ANKRD26: variants seen among roughly 807,000 people sequenced by gnomAD.
ANKRD26 encodes the protein ankyrin repeat domain 26, also known as ankyrin repeat domain-containing protein 26.
In ANKRD26, 141 loss-of-function variants were observed where a neutral mutation model predicts 208.7. The ratio of observed to expected loss-of-function variants is 0.68; its 90% CI spans 0.59 to 0.78. The LOEUF (loss-of-function observed/expected upper bound fraction) is 0.78. Among genes scored for constraint, ANKRD26 ranks in the 30% least tolerant of loss-of-function variants. The pLI is 0.00. For missense variants in ANKRD26, 1,889 were observed against 1,938.7 expected (o/e 0.97, Z 0.48); for synonymous variants, 636 against 660.4 (o/e 0.96, Z 0.57).
At chr10:27,059,894 C>CAAAACAA (rs1479608097) in intron 15 of ANKRD26, among the ~76,000 whole-genome samples, 1 of 137,080 alleles carries the variant, frequency 7.3e-6, no homozygotes, top group Non-Finnish European at 1.6e-5. Context: ...GACTCTGTAT[C>CAAAACAA]AAAACAAAAA....
At chr10:27,051,672 G>A (rs953375284) in intron 16 of ANKRD26, 8 of 985,198 alleles carry the variant, frequency 8.1e-6, no homozygotes, top group Admixed American at 1.2e-4. Flanking sequence ...CCCAGAGTAT[G>A]AAGGAAATGA....
At chr10:27,089,006 G>T (rs926960036) in intron 4 of ANKRD26, among the ~76,000 whole-genome samples, 1 of 152,154 alleles carries the variant, frequency 6.6e-6, no homozygotes, top group Non-Finnish European at 1.5e-5. Flanking sequence ...GGTGCTTTAG[G>T]AACAATGGCT....
At chr10:26,980,144 C>CA (rs1564329175) in intron 5 of ANKRD26, among the ~76,000 whole-genome samples, 1 of 152,164 alleles carries the variant, frequency 6.6e-6, no homozygotes, top group Non-Finnish European at 1.5e-5. Context: ...AAAGTTTTAT[C>CA]AAAACATGAA....
downstream of ANKRD26, among the ~76,000 whole-genome samples, chr10:27,001,995 A>G (rs952744999): frequency 4.6e-5 from 7 of 152,154 alleles, no homozygotes; most frequent in Non-Finnish European, 8.8e-5. Context: ...GCACTCCTGA[A>G]AAGTAGATGG....
At chr10:27,024,415 G>T (rs773723744) in intron 28 of ANKRD26, 32 bp downstream of exon 28, 1 of 1,179,124 alleles carries the variant, frequency 8.5e-7, no homozygotes, top group South Asian at 1.3e-5. Flanking sequence ...ATTAATGAAT[G>T]GTTAAAATGA....
At position 26,983,769 on chromosome 10, in the gene ANKRD26, G is replaced by T. The variant is rs369256882; in HGVS notation, c.490-956C>A. ...GTGAGCTGGTCCTTTCCTCTGAAAA[G>T]CTTTTCCCATGTGCCTTTCTCCTAA... On this transcript the variant is annotated intron_variant and NMD_transcript_variant, in intron 3 of 5. Coordinates refer to the ANKRD26 transcript ENST00000674670. Among the ~76,000 whole-genome samples, 6 of 152,306 alleles carry T rather than the reference G, an allele frequency of 3.9e-5. No individual in the cohort carries two copies. In the South Asian group the frequency reaches 1.0e-3, roughly 26 times the overall value.
At chr10:27,077,960 C>T (rs533232034) in intron 7 of ANKRD26, among the ~76,000 whole-genome samples, 29 of 152,154 alleles carry the variant, frequency 1.9e-4, no homozygotes, top group African/African-American at 4.6e-4. Context: ...GATATCTGTT[C>T]GATTATTTTC....
At chr10:27,050,219 C>CAAAAAA (rs67384671) in intron 16 of ANKRD26, among the ~76,000 whole-genome samples, 86 of 33,012 alleles carry the variant, frequency 2.6e-3, no homozygotes, top group East Asian at 4.7e-3. Flanking sequence ...GAATCTGTCT[C>CAAAAAA]AAAAAAAAAA....
At chr10:27,041,032 GA>G (rs1358103997) in intron 20 of ANKRD26, among the ~76,000 whole-genome samples, 142 of 120,688 alleles carry the variant, frequency 1.2e-3, no homozygotes, top group Admixed American at 1.1e-3. Flanking sequence ...CTCTGCCTCA[GA>G]AAAAAAAAAA....
chr10:26,979,328 G>T (rs1478568156), intron 5 of ANKRD26, among the ~76,000 whole-genome samples: 1 of 152,170 alleles, frequency 6.6e-6, no homozygotes, highest in Non-Finnish European at 1.5e-5. Context: ...GACCAAAAAA[G>T]ACTTTTCTAG....
intron 5 of ANKRD26, among the ~76,000 whole-genome samples, chr10:26,976,065 C>CA (rs1426101454): frequency 6.6e-6 from 1 of 151,780 alleles, no homozygotes; most frequent in Non-Finnish European, 1.5e-5. Context: ...AATAAAAGAA[C>CA]AAAAGATCAG....
chr10:26,999,593 T>C (rs1177237757), downstream of ANKRD26, among the ~76,000 whole-genome samples: 1 of 152,140 alleles, frequency 6.6e-6, no homozygotes, highest in Non-Finnish European at 1.5e-5. Context: ...TCCCTAGTTA[T>C]GTTCTCCTGA....
At chr10:27,031,580 G>A (rs1338591643) in intron 25 of ANKRD26, among the ~76,000 whole-genome samples, 1 of 152,142 alleles carries the variant, frequency 6.6e-6, no homozygotes, top group Non-Finnish European at 1.5e-5. Flanking sequence ...GGGATGTGGG[G>A]TTTCTTTTCA....
At chr10:27,044,923 T>C (rs2054388005) in intron 18 of ANKRD26, among the ~76,000 whole-genome samples, 1 of 152,224 alleles carries the variant, frequency 6.6e-6, no homozygotes, top group African/African-American at 2.4e-5. Context: ...TTAAGTGATA[T>C]GATAGCAGAT....
downstream of ANKRD26, among the ~76,000 whole-genome samples, chr10:27,000,998 A>C (rs2052711286): frequency 6.6e-6 from 1 of 152,172 alleles, no homozygotes; most frequent in Non-Finnish European, 1.5e-5. Context: ...ACAGAGCGAG[A>C]CTCTGTCTCA....
chr10:26,950,886 G>T, the ANKRD26 span, among the ~76,000 whole-genome samples: 1 of 151,906 alleles, frequency 6.6e-6, no homozygotes, highest in African/African-American at 2.4e-5. Flanking sequence ...TGATTTATTT[G>T]TCAAAAATAA....
chr10:26,990,697 C>T (rs768263008), downstream of ANKRD26, among the ~76,000 whole-genome samples: 10 of 152,164 alleles, frequency 6.6e-5, no homozygotes, highest in African/African-American at 1.9e-4. Flanking sequence ...GAGCAAGATG[C>T]TCTTCTTGTC....
Position 27,024,464 on chromosome 10 carries a change from T to C in ANKRD26, c.4068A>G (p.Leu1356=), listed in dbSNP as rs757136182. The C allele has an allele frequency of 5.2e-6, 8 of 1,528,514 alleles. No individual in the cohort carries two copies. Among genetic ancestry groups the C allele is most frequent in the Middle Eastern group, 1.7e-4 (1 of 5,842 alleles). The allele number at this position is 1,528,514 out of a possible 1,614,324, so 94.7% of individuals were successfully genotyped here. Residue 1356 remains leucine, a synonymous_variant, in exon 28 of 34, where the codon TTA becomes TTG. Coordinates refer to ENST00000376087, the MANE Select transcript of ANKRD26 (RefSeq NM_014915.3). ...AATCTTACCCAGTTATCTCTCTTTC[T>C]AATTCAACATTTTTCTTCATTTCTT... ...LDQEMKKNVE[L]EREITGFKNL... is the part of the protein sequence containing the mutation.
At chr10:26,976,824 C>T (rs76011094) in intron 5 of ANKRD26, among the ~76,000 whole-genome samples, 2,804 of 152,260 alleles carry the variant, frequency 0.018, 160 homozygotes, top group East Asian at 0.17. Context: ...CCAAGTCTCA[C>T]TGCACAAAAC....
Sources: gnomAD v4.1 joint callset for allele counts (sites outside exome capture counted in the v4.1 genomes callset) on GRCh38, gnomAD v4.1.1 for gene constraint, MANE v1.5 for transcripts, NCBI Gene and HGNC (gene_info 2026-07-23, HGNC 2026-07-21) for gene names.